The following XPO6 variants were observed in gnomAD, a reference collection of about 807,000 sequenced individuals.
The protein encoded by XPO6 is exportin 6.
Under a neutral mutation model 130.0 loss-of-function variants are expected in XPO6, and 3 were observed. The ratio of observed to expected loss-of-function variants is 0.02; its 90% CI spans 0.01 to 0.06. The LOEUF (loss-of-function observed/expected upper bound fraction) is 0.06, where lower values mean the gene tolerates loss of function less well. Ranked by LOEUF, XPO6 falls within the 10% of genes least tolerant of loss-of-function variation. The probability of loss-of-function intolerance (pLI) is 1.00; values close to 1 mark genes in which losing one functional copy is unlikely to be tolerated. For missense variants in XPO6, 970 were observed against 1,393.0 expected, an observed-to-expected ratio of 0.70 and a Z score of 4.83; for synonymous variants, 524 against 548.9, an observed-to-expected ratio of 0.95 and a Z score of 0.63.
chr16:28,209,756 T>G (rs1432301792), intron 1 of XPO6, among the ~76,000 whole-genome samples: 1 of 151,532 alleles, frequency 6.6e-6, no homozygotes, highest in Non-Finnish European at 1.5e-5. Flanking sequence ...TTTAGAGAAA[T>G]CCTATCCCCA....
At chr16:28,139,599 T>C (rs781098534) in intron 9 of XPO6, among the ~76,000 whole-genome samples, 15 of 152,180 alleles carry the variant, frequency 9.9e-5, no homozygotes, top group Non-Finnish European at 1.0e-4. Flanking sequence ...TTTCCAAGTA[T>C]GTATATGTAA....
chr16:28,106,969 T>C lies in XPO6; in HGVS notation c.2498-472A>G, dbSNP rs947346022. ...GGCCCTGGTCCATTAAATGGATTAA[T>C]TGCAGAAAATACTGGTTACATATAG... is the stretch of plus-strand genomic sequence containing the variant. On this transcript the variant is annotated intron_variant, in intron 18 of 23. Transcript: ENST00000304658. The surrounding 1 kb of genome is among the most constrained non-coding windows in gnomAD (Gnocchi z 4.2). Among the ~76,000 whole-genome samples, 1 of 152,238 alleles carries C rather than the reference T, an allele frequency of 6.6e-6. No individual in the cohort carries two copies. The highest frequency in any genetic ancestry group is 1.5e-5 in the Non-Finnish European group (1 of 68,048).
At chr16:28,110,452 T>C (rs546828522) in intron 17 of XPO6, among the ~76,000 whole-genome samples, 13 of 152,346 alleles carry the variant, frequency 8.5e-5, no homozygotes, top group African/African-American at 3.1e-4. Flanking sequence ...TGGGTCCCTA[T>C]GTGACCTCCC....
At chr16:28,107,995 A>G (rs1353532283) in intron 17 of XPO6, among the ~76,000 whole-genome samples, 5 of 152,174 alleles carry the variant, frequency 3.3e-5, no homozygotes, top group African/African-American at 4.8e-5. Context: ...AAGAAAAAAG[A>G]TAAATAAATG....
At chr16:28,153,905 G>T in intron 7 of XPO6, 3 of 985,384 alleles carry the variant, frequency 3.0e-6, no homozygotes. Context: ...TTGCTCCTGG[G>T]ACCTATCTCC....
At chr16:28,098,730 T>G in intron 23 of XPO6, 91 bp from the exon 24 acceptor site, 1 of 908,396 alleles carries the variant, frequency 1.1e-6, no homozygotes, top group South Asian at 1.7e-5. Flanking sequence ...GAGTGTGCAC[T>G]GAAGATAGGG....
At chr16:28,115,070 T>C (rs2087020813) in intron 15 of XPO6, among the ~76,000 whole-genome samples, 1 of 152,234 alleles carries the variant, frequency 6.6e-6, no homozygotes, top group Admixed American at 6.5e-5. Context: ...TTACTTTCTT[T>C]ACTGAAGTCC....
intron 1 of XPO6, among the ~76,000 whole-genome samples, chr16:28,191,705 G>A (rs1161511563): frequency 6.6e-6 from 1 of 152,220 alleles, no homozygotes; most frequent in African/African-American, 2.4e-5. Flanking sequence ...AGGAAGCACA[G>A]AGGAGTTCTG....
At position 28,175,222 on chromosome 16, in the gene XPO6, C is replaced by T. The variant is rs1317910458; in HGVS notation, c.405+676G>A. 2.6e-5 allele frequency among the ~76,000 whole-genome samples: 4 copies of T among 152,010 alleles called. 1 individual carries two copies. The highest frequency in any genetic ancestry group is 1.3e-4 in the Admixed American group (2 of 15,266). ...GGTGCCTCACCTCCACCCACCAGGT[C>T]GTCTCCTTTTGGCTCAGATCCTCTA... On this transcript the variant is annotated intron_variant, in intron 4 of 23. Coordinates refer to ENST00000304658, the MANE Select transcript of XPO6 (RefSeq NM_015171.4).
intron 8 of XPO6, among the ~76,000 whole-genome samples, chr16:28,151,912 G>C (rs1216033095): frequency 6.6e-6 from 1 of 152,134 alleles, no homozygotes; most frequent in Non-Finnish European, 1.5e-5. Flanking sequence ...AGGCACGGGG[G>C]ATAGGATGTG....
At chr16:28,198,200 T>C (rs1320869918) in intron 1 of XPO6, among the ~76,000 whole-genome samples, 2 of 151,928 alleles carry the variant, frequency 1.3e-5, no homozygotes, top group Non-Finnish European at 1.5e-5. Flanking sequence ...ACTTATGCTA[T>C]AAAGCGGAAA....
intron 12 of XPO6, among the ~76,000 whole-genome samples, chr16:28,126,384 G>A (rs2087411563): frequency 6.6e-6 from 1 of 152,142 alleles, no homozygotes; most frequent in South Asian, 2.1e-4. Flanking sequence ...ACCCCTGAAG[G>A]CTGGGAGGTG....
intron 2 of XPO6, among the ~76,000 whole-genome samples, chr16:28,179,865 A>C (rs1318767747): frequency 1.3e-5 from 2 of 152,178 alleles, no homozygotes; most frequent in African/African-American, 2.4e-5. Context: ...CTCAGCCTGC[A>C]CTCAAATTTG....
chr16:28,208,804 T>C (rs1430646037), intron 1 of XPO6, among the ~76,000 whole-genome samples: 1 of 152,214 alleles, frequency 6.6e-6, no homozygotes, highest in Non-Finnish European at 1.5e-5. Flanking sequence ...AGGGGAGGAA[T>C]GTGTGTCTTG....
At chr16:28,148,665 TAAAG>T (rs1472246958) in intron 8 of XPO6, among the ~76,000 whole-genome samples, 6 of 152,156 alleles carry the variant, frequency 3.9e-5, no homozygotes, top group African/African-American at 1.4e-4. Context: ...CTTTTACAGA[TAAAG>T]AAACCAAGGC....
At chr16:28,190,028 T>G (rs541775203) in intron 1 of XPO6, among the ~76,000 whole-genome samples, 2 of 152,200 alleles carry the variant, frequency 1.3e-5, no homozygotes, top group African/African-American at 4.8e-5. Flanking sequence ...GAAGTTCAAC[T>G]GATCCCACTG....
Position 28,117,540 on chromosome 16 carries a change from T to C in XPO6, c.1860-78A>G. On this transcript the variant is annotated intron_variant, in intron 14 of 23. Transcript: ENST00000304658. Reference sequence around the variant, plus strand: ...GCGTTCAACTCATTTTCATAGGAGGTAAGAATTGCATCCACTGCATTTGCT... The same window carrying C: ...GCGTTCAACTCATTTTCATAGGAGGCAAGAATTGCATCCACTGCATTTGCT... 4 of 1,522,892 alleles carry C rather than the reference T, an allele frequency of 2.6e-6. No homozygotes were observed. In the South Asian group the frequency reaches 4.7e-5, roughly 18 times the overall value. 94.3% of individuals were successfully genotyped at this position (1,522,892 alleles called of 1,614,324 possible).
At chr16:28,154,255 TAAA>T (rs11284457) in intron 7 of XPO6, 964 of 807,532 alleles carry the variant, frequency 1.2e-3, no homozygotes, top group South Asian at 1.8e-3. Context: ...ACTACCCATT[TAAA>T]AAAAAAAAAA....
chr16:28,210,841 A>G (rs973149814), intron 1 of XPO6, among the ~76,000 whole-genome samples: 17 of 152,246 alleles, frequency 1.1e-4, no homozygotes, highest in African/African-American at 4.1e-4. Flanking sequence ...ACCTACAGCT[A>G]GATGAGATGT....
Sources: allele counts gnomAD v4.1 joint callset (sites outside exome capture counted in the v4.1 genomes callset), GRCh38; gene constraint gnomAD v4.1.1; non-coding constraint Gnocchi (gnomAD v3.1); transcripts MANE v1.5; gene names NCBI Gene and HGNC (gene_info 2026-07-23, HGNC 2026-07-21).